Variants in PDCD1LG2 observed in about 807,000 individuals in gnomAD.
PDCD1LG2 encodes the protein programmed cell death 1 ligand 2.
In PDCD1LG2, 32 loss-of-function variants were observed where a neutral mutation model predicts 28.2. The ratio of observed to expected loss-of-function variants is 1.13; its 90% CI spans 0.86 to 1.52. The LOEUF is 1.52. PDCD1LG2 is among the 40% of genes most tolerant of loss of function. The pLI, the probability that PDCD1LG2 is intolerant of heterozygous loss-of-function variation, is 0.00. For synonymous variants in PDCD1LG2, 116 were observed against 120.2 expected (o/e 0.97, Z 0.23); for missense variants, 385 against 323.8 (o/e 1.19, Z -1.45).
Position 5,569,999 on chromosome 9 carries a change from C to A in PDCD1LG2, c.*40C>A, listed in dbSNP as rs545719447. 238 of 1,613,474 alleles carry A rather than the reference C, an allele frequency of 1.5e-4. 1 individual carries two copies. The South Asian group carries it at 2.4e-3, about 16-fold the overall frequency. On this transcript the variant is annotated 3_prime_UTR_variant, in exon 7 of 7. Transcript: ENST00000397747. This position sits in a 1 kb window ranked among gnomAD's most constrained non-coding sequence, Gnocchi z 4.1. ...GAGCCAGGGTGACCTGATATGACAT[C>A]TAAAGAAGCTTCTGGACTCTGAACA...
At chr9:5,566,577 T>C (rs150940409) in intron 6 of PDCD1LG2, among the ~76,000 whole-genome samples, 1 of 152,326 alleles carries the variant, frequency 6.6e-6, no homozygotes, top group African/African-American at 2.4e-5. Flanking sequence ...AATTGCTCCA[T>C]CAGTCTCAGT....
chr9:5,528,192 T>C (rs1018324634), intron 2 of PDCD1LG2, among the ~76,000 whole-genome samples: 3 of 149,384 alleles, frequency 2.0e-5, no homozygotes, highest in Non-Finnish European at 4.4e-5. Flanking sequence ...TCCTAATGAC[T>C]AATGATATTA....
At chr9:5,524,674 T>C (rs1250436301) in intron 2 of PDCD1LG2, among the ~76,000 whole-genome samples, 1 of 152,152 alleles carries the variant, frequency 6.6e-6, no homozygotes, top group Admixed American at 6.5e-5. Context: ...TGAGAAATAA[T>C]TAGTGTTTAC....
rs1181973602 is a variant in PDCD1LG2, at chr9:5,522,715, T to C, written c.55+114T>C. On this transcript the variant is annotated intron_variant, in intron 2 of 6. Transcript: ENST00000397747. ...TGAGGGCTTTCTTTGAGAGGACGTA[T>C]GATTTCTGGGCTATTCCAAGCACCA... The C allele has an allele frequency of 5.6e-6, 5 of 889,218 alleles. No homozygotes were observed. In the African/African-American group the frequency reaches 8.5e-5, roughly 15 times the overall value. The allele number at this position is 889,218 out of a possible 1,614,324, so 55.1% of individuals were successfully genotyped here.
intron 2 of PDCD1LG2, among the ~76,000 whole-genome samples, chr9:5,532,607 C>T (rs964066049): frequency 3.3e-5 from 5 of 152,084 alleles, no homozygotes; most frequent in African/African-American, 1.2e-4. Flanking sequence ...CAAAGATTTG[C>T]AGGATAGTGG....
At chr9:5,558,961 A>C (rs919546886) in intron 5 of PDCD1LG2, among the ~76,000 whole-genome samples, 1 of 152,208 alleles carries the variant, frequency 6.6e-6, no homozygotes, top group Admixed American at 6.5e-5. Flanking sequence ...CACTTCAGAG[A>C]GTTGTGTCAG....
At chr9:5,538,770 C>T (rs1026888510) in intron 3 of PDCD1LG2, among the ~76,000 whole-genome samples, 9 of 151,624 alleles carry the variant, frequency 5.9e-5, no homozygotes, top group African/African-American at 2.2e-4. Flanking sequence ...GATATAACAG[C>T]AGAAAAAATT....
intron 6 of PDCD1LG2, among the ~76,000 whole-genome samples, chr9:5,564,007 C>T (rs1816617327): frequency 6.6e-6 from 1 of 152,164 alleles, no homozygotes; most frequent in Admixed American, 6.5e-5. Flanking sequence ...TTTGACTAAG[C>T]AACTGAGCAC....
chr9:5,517,966 G>T (rs2129702356), intron 1 of PDCD1LG2, among the ~76,000 whole-genome samples: 1 of 152,296 alleles, frequency 6.6e-6, no homozygotes, highest in African/African-American at 2.4e-5. Flanking sequence ...GCTGAATTAA[G>T]GTGATGGCAG....
At chr9:5,558,785 GA>G (rs1225415939) in intron 5 of PDCD1LG2, among the ~76,000 whole-genome samples, 1 of 151,244 alleles carries the variant, frequency 6.6e-6, no homozygotes, top group Admixed American at 6.6e-5. Context: ...GTTGCCAAAA[GA>G]AAAAGACAGA....
chr9:5,510,966 C>G (rs899060742), intron 1 of PDCD1LG2, among the ~76,000 whole-genome samples, 163 bp downstream of exon 1: 1 of 152,204 alleles, frequency 6.6e-6, no homozygotes, highest in African/African-American at 2.4e-5. Flanking sequence ...AGCTAATGTC[C>G]TCCTGCCCCA....
chr9:5,542,592 A>C (rs1056759059), intron 3 of PDCD1LG2, among the ~76,000 whole-genome samples: 1 of 152,238 alleles, frequency 6.6e-6, no homozygotes, highest in African/African-American at 2.4e-5. Context: ...AAAAATGCTC[A>C]ACATCACTAA....
chr9:5,556,867 A>C (rs1463887734), intron 4 of PDCD1LG2, among the ~76,000 whole-genome samples: 2 of 152,172 alleles, frequency 1.3e-5, no homozygotes, highest in Non-Finnish European at 2.9e-5. Flanking sequence ...TAATCTGTAC[A>C]CACCAGAGGA....
chr9:5,514,562 T>C (rs1013291870), intron 1 of PDCD1LG2, among the ~76,000 whole-genome samples: 4 of 152,066 alleles, frequency 2.6e-5, no homozygotes, highest in East Asian at 1.9e-4. Flanking sequence ...ATTGAGTAAA[T>C]TGATACTTCT....
intron 3 of PDCD1LG2, among the ~76,000 whole-genome samples, chr9:5,539,968 C>G (rs952049502): frequency 6.6e-6 from 1 of 152,174 alleles, no homozygotes; most frequent in Non-Finnish European, 1.5e-5. Flanking sequence ...ATGGAACATT[C>G]TCCAAGATAG....
In PDCD1LG2 at chr9:5,511,111, G is replaced by A. The variant is rs115927355; in HGVS notation, c.-15+308G>A. Among the ~76,000 whole-genome samples the A allele has an allele frequency of 3.1e-3, 467 of 152,162 alleles. 3 individuals carry two copies. Among genetic ancestry groups the A allele is most frequent in the African/African-American group, 8.2e-3 (339 of 41,492 alleles). On this transcript the variant is annotated intron_variant, in intron 1 of 6. Transcript: ENST00000397747. ...GATTGTCTCTCAGCTTAGAGTTTTC[G>A]GAGGCTTAATGGTGAAGAACTTAAA... is the stretch of plus-strand genomic sequence containing the variant.
intron 3 of PDCD1LG2, among the ~76,000 whole-genome samples, chr9:5,542,398 C>A (rs895540711): frequency 6.6e-6 from 1 of 152,196 alleles, no homozygotes. Context: ...AGTTAACAGA[C>A]AACCCACAGA....
At chr9:5,533,392 C>T (rs1462756550) in intron 2 of PDCD1LG2, among the ~76,000 whole-genome samples, 1 of 152,008 alleles carries the variant, frequency 6.6e-6, no homozygotes, top group African/African-American at 2.4e-5. Context: ...AGCCACATAC[C>T]CCTGTGGTAG....
At chr9:5,567,368 C>T (rs1198990054) in intron 6 of PDCD1LG2, among the ~76,000 whole-genome samples, 2 of 152,246 alleles carry the variant, frequency 1.3e-5, no homozygotes, top group Admixed American at 1.3e-4. Flanking sequence ...TTGTCTGTGA[C>T]ACACTGCCCT....
Sources: allele counts gnomAD v4.1 joint callset (sites outside exome capture counted in the v4.1 genomes callset), GRCh38; gene constraint gnomAD v4.1.1; non-coding constraint Gnocchi (gnomAD v3.1); transcripts MANE v1.5; gene names NCBI Gene and HGNC (gene_info 2026-07-23, HGNC 2026-07-21).